Variants in PRDM16 observed in about 807,000 individuals in gnomAD.
The protein encoded by PRDM16 is PR/SET domain 16.
A neutral mutation model predicts 110.6 loss-of-function variants in PRDM16; 23 were observed. The observed-to-expected ratio is 0.21, with a 90% confidence interval of 0.15 to 0.29. The LOEUF (loss-of-function observed/expected upper bound fraction) is 0.29, where lower values mean the gene tolerates loss of function less well. Among genes scored for constraint, PRDM16 ranks in the 10% least tolerant of loss-of-function variants. The pLI, the probability that PRDM16 is intolerant of heterozygous loss-of-function variation, is 1.00. For missense variants in PRDM16, 1,615 were observed against 1,794.3 expected, an observed-to-expected ratio of 0.90 and a Z score of 1.81; for synonymous variants, 799 against 781.8, an observed-to-expected ratio of 1.02 and a Z score of -0.37.
intron 5 of PRDM16, among the ~76,000 whole-genome samples, chr1:3,398,770 T>C (rs969239171): frequency 2.0e-5 from 3 of 152,222 alleles, no homozygotes; most frequent in African/African-American, 7.2e-5. Flanking sequence ...TTAGTTGGCG[T>C]AGGTGACAGG....
intron 3 of PRDM16, among the ~76,000 whole-genome samples, chr1:3,374,456 G>C (rs1642958530): frequency 6.6e-6 from 1 of 152,206 alleles, no homozygotes; most frequent in Non-Finnish European, 1.5e-5. Context: ...TGGCAGAGAC[G>C]GAGGCTCCCT....
rs16824338 is a variant in PRDM16, at chr1:3,339,638, G to A, written c.439-45514G>A. Among the ~76,000 whole-genome samples, 3,258 of 152,242 alleles carry A rather than the reference G, an allele frequency of 0.021. 179 individuals are homozygous for A. The highest frequency in any genetic ancestry group is 0.11 in the East Asian group (589 of 5,168). On this transcript the variant is annotated intron_variant, in intron 3 of 16. Transcript: ENST00000270722. This position sits in a 1 kb window ranked among gnomAD's most constrained non-coding sequence, Gnocchi z 5.0. ...CACACCTCCCACCTTGCTCGTGAAG[G>A]TGACAGTCCTACTGCGGACCCCTGG... is the stretch of plus-strand genomic sequence containing the variant.
chr1:3,112,355 C>T (rs11808946), intron 1 of PRDM16, among the ~76,000 whole-genome samples: 26,468 of 152,214 alleles, frequency 0.17, 3,240 homozygotes, highest in African/African-American at 0.33. Flanking sequence ...TCGTGGGCCC[C>T]GGGAACCGGC....
At chr1:3,314,058 C>T (rs781677444) in intron 3 of PRDM16, among the ~76,000 whole-genome samples, 32 of 142,744 alleles carry the variant, frequency 2.2e-4, no homozygotes, top group Non-Finnish European at 4.1e-4. Context: ...CCCCGAATGC[C>T]GTCCTTCCCC....
chr1:3,129,463 A>ATG (rs149387082), intron 1 of PRDM16, among the ~76,000 whole-genome samples: 338 of 150,602 alleles, frequency 2.2e-3, no homozygotes, highest in African/African-American at 6.8e-3. Context: ...CTGTGTGTGC[A>ATG]TGTGTGTGTG....
At chr1:3,394,373 C>G (rs1402897203) in intron 4 of PRDM16, 4 of 440,326 alleles carry the variant, frequency 9.1e-6, no homozygotes, top group South Asian at 4.8e-5. Context: ...GCCGCCCAGC[C>G]CCCGTCCGCC....
chr1:3,139,343 G>C (rs1232942844), intron 1 of PRDM16, among the ~76,000 whole-genome samples: 1 of 152,250 alleles, frequency 6.6e-6, no homozygotes, highest in Non-Finnish European at 1.5e-5. Context: ...CAGGGCTGGG[G>C]CTGCCCTTTG....
At chr1:3,356,360 A>G (rs919983587) in intron 3 of PRDM16, among the ~76,000 whole-genome samples, 33 of 152,186 alleles carry the variant, frequency 2.2e-4, no homozygotes, top group Admixed American at 1.5e-3. Context: ...TCTGCTCAGG[A>G]CGTGCGGCTG....
intron 1 of PRDM16, among the ~76,000 whole-genome samples, chr1:3,076,916 G>A (rs957506499): frequency 1.2e-4 from 19 of 152,058 alleles, no homozygotes; most frequent in Non-Finnish European, 1.5e-5. Flanking sequence ...TTTTGGGGGG[G>A]ACACAGGAAA....
intron 3 of PRDM16, among the ~76,000 whole-genome samples, chr1:3,314,331 G>T (rs540640389): frequency 6.6e-6 from 1 of 152,150 alleles, no homozygotes; most frequent in African/African-American, 2.4e-5. Flanking sequence ...TTCTGAAATC[G>T]GTCCTGGAAA....
At position 3,222,025 on chromosome 1, in the gene PRDM16, T is replaced by A. The variant is rs536638328; in HGVS notation, c.388-22062T>A. Among the ~76,000 whole-genome samples the A allele has an allele frequency of 4.6e-5, 7 of 152,300 alleles. No homozygotes were observed. The South Asian group carries it at 8.3e-4, about 18-fold the overall frequency. On this transcript the variant is annotated intron_variant, in intron 2 of 16. Transcript: ENST00000270722. ...TCTGCTCCCTAGACCCTGGAGGGCG[T>A]CCACTGCTCCCCAGCAGAGGTCTGC...
At chr1:3,422,570 G>A (rs777075723) in intron 12 of PRDM16, among the ~76,000 whole-genome samples, 2 of 152,206 alleles carry the variant, frequency 1.3e-5, no homozygotes, top group African/African-American at 2.4e-5. Context: ...AAAGCATGGC[G>A]GTCCCAGGGC....
At position 3,436,541 on chromosome 1, in the gene PRDM16, C is replaced by T. The variant is rs1638914675; in HGVS notation, c.*2730C>T. The T allele has an allele frequency of 4.3e-6, 1 of 231,404 alleles. No homozygotes were observed. Among genetic ancestry groups the T allele is most frequent in the Non-Finnish European group, 8.5e-6 (1 of 116,964 alleles). The allele number at this position is 231,404 out of a possible 1,614,324, so 14.3% of individuals were successfully genotyped here. A position where few individuals can be genotyped will look rare whatever the true frequency, so the allele number is the denominator to read the frequency against. On this transcript the variant is annotated 3_prime_UTR_variant, in exon 17 of 17. Coordinates refer to ENST00000270722, the MANE Select transcript of PRDM16 (RefSeq NM_022114.4). ...TCAGGAGGCCCTGTTCTTAGAGCCC[C>T]TGACAAAGGCAGCACTTATTTCCTG...
At chr1:3,329,041 G>GCCTTGTCCCTGGGCC (rs1553164207) in intron 3 of PRDM16, among the ~76,000 whole-genome samples, 1 of 151,860 alleles carries the variant, frequency 6.6e-6, no homozygotes, top group Non-Finnish European at 1.5e-5. Context: ...AGGAATGGGC[G>GCCTTGTCCCTGGGCC]CCTTCTCCCT....
At chr1:3,141,572 C>T (rs561038869) in intron 1 of PRDM16, among the ~76,000 whole-genome samples, 4 of 152,372 alleles carry the variant, frequency 2.6e-5, no homozygotes, top group South Asian at 2.1e-4. Flanking sequence ...GGCCTCTGCC[C>T]GGACCCTTCT....
At chr1:3,427,753 G>C (rs1557671127) in intron 14 of PRDM16, among the ~76,000 whole-genome samples, 1 of 152,138 alleles carries the variant, frequency 6.6e-6, no homozygotes, top group Non-Finnish European at 1.5e-5. Flanking sequence ...AAGGGGCGGG[G>C]GGAGAAGCTG....
At chr1:3,136,866 C>A (rs537112732) in intron 1 of PRDM16, among the ~76,000 whole-genome samples, 2 of 152,316 alleles carry the variant, frequency 1.3e-5, no homozygotes, top group African/African-American at 4.8e-5. Context: ...TGGGAACTGA[C>A]CTGGTTTACA....
intron 2 of PRDM16, among the ~76,000 whole-genome samples, chr1:3,215,425 ATTG>A (rs1394843832): frequency 0.015 from 1,245 of 84,188 alleles, 14 homozygotes; most frequent in African/African-American, 0.13. Context: ...GGCAAGGCCT[ATTG>A]GGGTCCAGGA....
At chr1:3,296,382 A>G (rs2500289) in intron 3 of PRDM16, among the ~76,000 whole-genome samples, 69,275 of 152,188 alleles carry the variant, frequency 0.46, 16,834 homozygotes, top group Admixed American at 0.53. Context: ...TTCTCCTGCA[A>G]ACACTTCTCC....
Sources: allele counts gnomAD v4.1 joint callset (sites outside exome capture counted in the v4.1 genomes callset), GRCh38; gene constraint gnomAD v4.1.1; non-coding constraint Gnocchi (gnomAD v3.1); transcripts MANE v1.5; gene names NCBI Gene and HGNC (gene_info 2026-07-23, HGNC 2026-07-21).